VPS13D: variants seen among roughly 807,000 people sequenced by gnomAD.
VPS13D encodes the protein vacuolar protein sorting 13 homolog D.
A neutral mutation model predicts 461.9 loss-of-function variants in VPS13D; 187 were observed. The ratio of observed to expected loss-of-function variants is 0.40; its 90% CI spans 0.36 to 0.46. The LOEUF is 0.46. Ranked by LOEUF, VPS13D falls within the 20% of genes least tolerant of loss-of-function variation. The probability of loss-of-function intolerance (pLI) is 0.60; values close to 1 mark genes in which losing one functional copy is unlikely to be tolerated. For missense variants in VPS13D, 4,711 were observed against 5,364.9 expected (o/e 0.88, Z 3.81); for synonymous variants, 1,951 against 1,986.3 (o/e 0.98, Z 0.47).
At position 12,508,119 on chromosome 1, in the gene VPS13D, G is replaced by A. The variant is rs61774942; in HGVS notation, c.13036-774G>A. On this transcript the variant is annotated intron_variant, in intron 69 of 69. Coordinates refer to ENST00000620676, the MANE Select transcript of VPS13D (RefSeq NM_015378.4). ...GTTAGAGCTGGCTGATGAAGAGGGC[G>A]AGCACCTCAAAGTGTGAGTATTTCT... 3.3e-3 allele frequency among the ~76,000 whole-genome samples: 500 copies of A among 152,316 alleles called. 2 individuals are homozygous for A. Among genetic ancestry groups the A allele is most frequent in the Middle Eastern group, 0.014 (4 of 294 alleles).
intron 2 of VPS13D, among the ~76,000 whole-genome samples, chr1:12,238,896 G>A (rs1321790453): frequency 6.6e-6 from 1 of 151,976 alleles, no homozygotes; most frequent in Non-Finnish European, 1.5e-5. Context: ...GCCTCCTAAA[G>A]TGCTGGGATT....
chr1:12,243,614 T>TG (rs1366438935), intron 3 of VPS13D, among the ~76,000 whole-genome samples: 1 of 152,116 alleles, frequency 6.6e-6, no homozygotes, highest in Admixed American at 6.6e-5. Context: ...CAACACTGCT[T>TG]GACTCTTATA....
chr1:12,237,135 ATATG>A (rs1443241151), intron 2 of VPS13D, among the ~76,000 whole-genome samples: 1 of 149,990 alleles, frequency 6.7e-6, no homozygotes, highest in Admixed American at 6.8e-5. Flanking sequence ...GTGTGTATAT[ATATG>A]TGTGTGTGTA....
chr1:12,467,645 T>C (rs1428780964), intron 67 of VPS13D, among the ~76,000 whole-genome samples: 1 of 152,216 alleles, frequency 6.6e-6, no homozygotes, highest in African/African-American at 2.4e-5. Context: ...GATGCCATTC[T>C]CATTATAACA....
rs772012528 is a variant in VPS13D at position 12,348,819 on chromosome 1, A to G, written c.9070-4A>G. On this transcript the variant is annotated splice_region_variant and splice_polypyrimidine_tract_variant and intron_variant, in intron 44 of 69. Transcript: ENST00000620676. Reference sequence around the variant, plus strand: ...ACTATTTTGTCTTTATCGCTCTTTCACAGTTCTCTTCACTCCCACCAGTGC... The same window carrying G: ...ACTATTTTGTCTTTATCGCTCTTTCGCAGTTCTCTTCACTCCCACCAGTGC... 1 of 1,613,724 alleles carries G rather than the reference A, an allele frequency of 6.2e-7. No individual in the cohort carries two copies. Among genetic ancestry groups the G allele is most frequent in the Non-Finnish European group, 8.5e-7 (1 of 1,179,788 alleles).
At chr1:12,242,316 A>G (rs1323202648) in intron 2 of VPS13D, among the ~76,000 whole-genome samples, 197 bp from the exon 3 acceptor site, 2 of 152,132 alleles carry the variant, frequency 1.3e-5, no homozygotes, top group South Asian at 2.1e-4. Context: ...TACACATGAT[A>G]TAGCCTGTTC....
At chr1:12,365,422 C>T (rs1415357493) in intron 52 of VPS13D, among the ~76,000 whole-genome samples, 1 of 152,126 alleles carries the variant, frequency 6.6e-6, no homozygotes, top group Non-Finnish European at 1.5e-5. Flanking sequence ...TTTCTTTCAT[C>T]AGGCCGGGCA....
chr1:12,327,528 T>A, intron 35 of VPS13D, 120 bp from the exon 36 acceptor site: 1 of 561,162 alleles, frequency 1.8e-6, no homozygotes, highest in Non-Finnish European at 2.8e-6. Context: ...ACTTCTGGGA[T>A]CAAGGCTCTC....
intron 30 of VPS13D, among the ~76,000 whole-genome samples, chr1:12,315,352 G>A (rs1642860849): frequency 6.6e-6 from 1 of 152,178 alleles, no homozygotes; most frequent in Non-Finnish European, 1.5e-5. Context: ...GTTTTGTTTT[G>A]TTTTTCGAGA....
At chr1:12,320,677 A>G (rs1445920216) in intron 32 of VPS13D, among the ~76,000 whole-genome samples, 1 of 152,190 alleles carries the variant, frequency 6.6e-6, no homozygotes, top group Admixed American at 6.5e-5. Flanking sequence ...AGCCACCACA[A>G]TACTAGCTTT....
At position 12,453,740 on chromosome 1, in the gene VPS13D, G is replaced by A. The variant is rs916149079; in HGVS notation, c.12334-2258G>A. ...AGAGACTGTCAGTTCTTGAGGGCAGGGTTCAAGGCTGCTGTTTGTTTGTGT... is the reference window on the plus strand; with the variant it reads ...AGAGACTGTCAGTTCTTGAGGGCAGAGTTCAAGGCTGCTGTTTGTTTGTGT... On this transcript the variant is annotated intron_variant, in intron 65 of 69. Coordinates refer to ENST00000620676, the MANE Select transcript of VPS13D (RefSeq NM_015378.4). 2.0e-5 allele frequency: 3 copies of A among 152,254 alleles called. No homozygotes were observed. In the East Asian group the frequency reaches 5.8e-4, roughly 29 times the overall value. The allele number at this position is 152,254 out of a possible 1,614,324, so 9.4% of individuals were successfully genotyped here.
chr1:12,357,169 G>T (rs117731023), intron 49 of VPS13D, among the ~76,000 whole-genome samples: 2,916 of 152,224 alleles, frequency 0.019, 114 homozygotes, highest in Admixed American at 0.1. Context: ...AAGATAAATG[G>T]GTGTATCCAA....
At chr1:12,258,678 A>T (rs1640999395) in intron 10 of VPS13D, among the ~76,000 whole-genome samples, 1 of 152,132 alleles carries the variant, frequency 6.6e-6, no homozygotes, top group South Asian at 2.1e-4. Context: ...TTTTGGGGGA[A>T]GGTATTGGGG....
chr1:12,313,747 C>T (rs1642818624), intron 29 of VPS13D, among the ~76,000 whole-genome samples: 1 of 152,162 alleles, frequency 6.6e-6, no homozygotes, highest in Admixed American at 6.5e-5. Flanking sequence ...TAGAAGCTGA[C>T]AGATGAAGGC....
At chr1:12,429,884 A>G (rs1644970107) in intron 65 of VPS13D, among the ~76,000 whole-genome samples, 1 of 152,228 alleles carries the variant, frequency 6.6e-6, no homozygotes, top group African/African-American at 2.4e-5. Context: ...AAGAAAACCT[A>G]GTCCCTTTTA....
intron 65 of VPS13D, among the ~76,000 whole-genome samples, chr1:12,443,217 C>G (rs928273938): frequency 1.3e-5 from 2 of 152,200 alleles, no homozygotes; most frequent in African/African-American, 4.8e-5. Flanking sequence ...GTTTTTAACT[C>G]ACATATAAGT....
chr1:12,314,048 T>G, intron 29 of VPS13D, 67 bp from the exon 30 acceptor site: 1 of 1,443,400 alleles, frequency 6.9e-7, no homozygotes. Context: ...TATCTCGAAC[T>G]TATATACTTT....
chr1:12,262,500 C>CAGCAACAGTG lies in VPS13D; in HGVS notation c.1594+424_1594+433dup, dbSNP rs1011762504. ...TATGATATTCTCTGAAGATGCTGGGCAGCAACAGTGAGCCACAGCTCCCAG... is the reference window on the plus strand; with the variant it reads ...TATGATATTCTCTGAAGATGCTGGGCAGCAACAGTGAGCAACAGTGAGCCACAGCTCCCAG... On this transcript the variant is annotated intron_variant, in intron 13 of 69. Coordinates refer to ENST00000620676, the MANE Select transcript of VPS13D (RefSeq NM_015378.4). Among the ~76,000 whole-genome samples, 10 of 152,272 alleles carry CAGCAACAGTG rather than the reference C, an allele frequency of 6.6e-5. No homozygotes were observed. In the East Asian group the frequency reaches 1.7e-3, roughly 26 times the overall value.
At chr1:12,292,133 C>T (rs1642148278) in intron 23 of VPS13D, among the ~76,000 whole-genome samples, 1 of 151,764 alleles carries the variant, frequency 6.6e-6, no homozygotes, top group Non-Finnish European at 1.5e-5. Context: ...GTGGCAGGTA[C>T]CTGTAATCCC....
Sources: gnomAD v4.1 joint callset for allele counts (sites outside exome capture counted in the v4.1 genomes callset) on GRCh38, gnomAD v4.1.1 for gene constraint, MANE v1.5 for transcripts, NCBI Gene and HGNC (gene_info 2026-07-23, HGNC 2026-07-21) for gene names.